ABCD2: variants seen among roughly 807,000 people sequenced by gnomAD.
The protein encoded by ABCD2 is ATP binding cassette subfamily D member 2, also known as ATP-binding cassette sub-family D member 2.
In ABCD2, 36 loss-of-function variants were observed where a neutral mutation model predicts 70.9. The ratio of observed to expected loss-of-function variants is 0.51; its 90% CI spans 0.39 to 0.67. The LOEUF is 0.67. Ranked by LOEUF, ABCD2 falls within the 30% of genes least tolerant of loss-of-function variation. The pLI, the probability that ABCD2 is intolerant of heterozygous loss-of-function variation, is 0.00. For synonymous variants in ABCD2, 304 were observed against 306.9 expected (o/e 0.99, Z 0.10); for missense variants, 729 against 890.2 (o/e 0.82, Z 2.30).
chr12:39,540,500 A>G, the ABCD2 span, among the ~76,000 whole-genome samples: 1 of 152,258 alleles, frequency 6.6e-6, no homozygotes, highest in Admixed American at 6.5e-5. Context: ...CCTTTGTGGG[A>G]AAAAAATTTG....
In ABCD2 at chr12:39,554,017, C is replaced by T. The variant is rs1165168733; in HGVS notation, c.2118G>A (p.Gln706=). The change falls in exon 10 of 10, where the codon CAG becomes CAA. Residue 706 remains glutamine, a synonymous_variant. Coordinates refer to ENST00000308666, the MANE Select transcript of ABCD2 (RefSeq NM_005164.4). ...LSEEKQKLES[Q]LAGIPKMQQR... is the part of the protein sequence containing the mutation. ...GCTGCATTTTGGGAATTCCAGCTAG[C>T]TGAGATTCTAGCTTTTGTTTTTCTT... 1.2e-6 allele frequency: 2 copies of T among 1,613,416 alleles called. No individual in the cohort carries two copies. Among genetic ancestry groups the T allele is most frequent in the Non-Finnish European group, 1.7e-6 (2 of 1,179,818 alleles).
chr12:39,563,277 G>A (rs1439362764), intron 9 of ABCD2, among the ~76,000 whole-genome samples: 1 of 152,080 alleles, frequency 6.6e-6, no homozygotes, highest in Non-Finnish European at 1.5e-5. Flanking sequence ...GTAAATCTTA[G>A]TACTTCGGGA....
At chr12:39,606,121 A>G (rs1416786468) in intron 3 of ABCD2, among the ~76,000 whole-genome samples, 3 of 152,208 alleles carry the variant, frequency 2.0e-5, no homozygotes, top group African/African-American at 7.2e-5. Context: ...GTAGAAAAGA[A>G]TTCCAAAACC....
chr12:39,602,628 C>G (rs762329886), intron 5 of ABCD2, among the ~76,000 whole-genome samples: 13 of 152,078 alleles, frequency 8.5e-5, no homozygotes, highest in Non-Finnish European at 2.9e-5. Flanking sequence ...AGAAAGTATA[C>G]TTTACTAATG....
At chr12:39,616,240 C>G (rs951872198) in intron 2 of ABCD2, among the ~76,000 whole-genome samples, 1 of 152,114 alleles carries the variant, frequency 6.6e-6, no homozygotes, top group Non-Finnish European at 1.5e-5. Flanking sequence ...CTTCTCTGTT[C>G]CAACCAATTA....
chr12:39,601,437 C>T (rs1275228494), intron 5 of ABCD2, among the ~76,000 whole-genome samples: 2 of 151,528 alleles, frequency 1.3e-5, no homozygotes, highest in African/African-American at 2.4e-5. Flanking sequence ...TATTTCTTAT[C>T]TATTGGATGC....
chr12:39,553,793 A>C lies in ABCD2; in HGVS notation c.*119T>G. On this transcript the variant is annotated 3_prime_UTR_variant, in exon 10 of 10. Transcript: ENST00000308666. ...TATACTTCCTTAATGCTAAAATCTT[A>C]TAAAACATGTCTTGCTGCCTTTTTT... 1 of 737,164 alleles carries C rather than the reference A, an allele frequency of 1.4e-6. No homozygotes were observed. 45.7% of individuals were successfully genotyped at this position (737,164 alleles called of 1,614,324 possible). A position where few individuals can be genotyped will look rare whatever the true frequency, so the allele number is the denominator to read the frequency against.
the ABCD2 span, among the ~76,000 whole-genome samples, chr12:39,540,217 C>T: frequency 6.6e-6 from 1 of 152,184 alleles, no homozygotes; most frequent in African/African-American, 2.4e-5. Flanking sequence ...AGCCCTTGCA[C>T]ATAGTGAAGA....
downstream of ABCD2, among the ~76,000 whole-genome samples, chr12:39,549,594 TA>T (rs571406146): frequency 7.3e-4 from 111 of 151,536 alleles, no homozygotes; most frequent in Non-Finnish European, 1.2e-3. Context: ...TAATTTAAAA[TA>T]AAAAAAATAC....
chr12:39,576,999 A>G (rs1230900877), intron 8 of ABCD2, among the ~76,000 whole-genome samples: 1 of 152,084 alleles, frequency 6.6e-6, no homozygotes, highest in African/African-American at 2.4e-5. Context: ...AAATTATAAT[A>G]TGCTTTATGA....
At chr12:39,560,140 C>T (rs1941233408) in intron 9 of ABCD2, among the ~76,000 whole-genome samples, 1 of 152,162 alleles carries the variant, frequency 6.6e-6, no homozygotes, top group Admixed American at 6.5e-5. Context: ...AGGTATATCT[C>T]CTAATGCTAT....
Position 39,618,887 on chromosome 12 carries a change from A to G in ABCD2, c.729T>C (p.Ile243=), listed in dbSNP as rs112207196. The change falls in exon 1 of 10, where the codon ATT becomes ATC. Residue 243 remains isoleucine (I), a synonymous_variant. Coordinates refer to ENST00000308666, the MANE Select transcript of ABCD2 (RefSeq NM_005164.4). ...TTGCTCCTCTGGATGTAGCAGTTTG[A>G]ATGAGTGTATAGGAGGTCAGCATTA... is the stretch of plus-strand genomic sequence containing the variant. The part of the protein sequence containing the change: ...LDVMLTSYTL[I]QTATSRGASP... 3.7e-6 allele frequency: 6 copies of G among 1,614,190 alleles called. No homozygotes were observed. Among genetic ancestry groups the G allele is most frequent in the Non-Finnish European group, 5.1e-6 (6 of 1,180,034 alleles).
At chr12:39,567,003 T>C (rs1324260734) in intron 9 of ABCD2, among the ~76,000 whole-genome samples, 1 of 152,210 alleles carries the variant, frequency 6.6e-6, no homozygotes, top group Non-Finnish European at 1.5e-5. Flanking sequence ...AGACAGTTTG[T>C]TATAATTTCT....
chr12:39,569,354 G>A (rs549183252), intron 9 of ABCD2, among the ~76,000 whole-genome samples: 14 of 152,320 alleles, frequency 9.2e-5, no homozygotes, highest in South Asian at 4.1e-4. Flanking sequence ...CCTTGCTGCC[G>A]TCTTGCAGTT....
At chr12:39,538,508 T>C in the ABCD2 span, among the ~76,000 whole-genome samples, 4 of 152,184 alleles carry the variant, frequency 2.6e-5, no homozygotes, top group Non-Finnish European at 5.9e-5. Context: ...ATTCTTTCCT[T>C]GCTTTGTTTG....
At chr12:39,561,314 A>G (rs1037961564) in intron 9 of ABCD2, among the ~76,000 whole-genome samples, 1 of 150,562 alleles carries the variant, frequency 6.6e-6, no homozygotes, top group Non-Finnish European at 1.5e-5. Context: ...AATCACTTGA[A>G]CCTGGAAGCA....
the ABCD2 span, among the ~76,000 whole-genome samples, chr12:39,536,512 T>G: frequency 6.6e-6 from 1 of 152,218 alleles, no homozygotes; most frequent in Non-Finnish European, 1.5e-5. Flanking sequence ...AGCTAACACT[T>G]TTATATACAT....
rs922190120 is a variant in ABCD2 at position 39,550,693 on chromosome 12, G to C, written c.*3219C>G. The C allele has an allele frequency of 6.6e-6, 1 of 151,702 alleles. No homozygotes were observed. The highest frequency in any genetic ancestry group is 1.5e-5 in the Non-Finnish European group (1 of 67,696). The allele number at this position is 151,702 out of a possible 1,614,324, so 9.4% of individuals were successfully genotyped here. A position where few individuals can be genotyped will look rare whatever the true frequency, so the allele number is the denominator to read the frequency against. ...TATAATCAGAACTGTAAATAGCCTA[G>C]GCTATGTGAAAGTACTTTTCACTTC... On this transcript the variant is annotated 3_prime_UTR_variant, in exon 10 of 10. Transcript: ENST00000308666.
rs866235125 is a variant in ABCD2, at chr12:39,613,193, C to T, written c.1120+3795G>A. ...CGAGGTCAGGAGATCGAGACCATCCCGGCTAAAACGGTGAAACCCCGTCTC... is the reference window on the plus strand; with the variant it reads ...CGAGGTCAGGAGATCGAGACCATCCTGGCTAAAACGGTGAAACCCCGTCTC... On this transcript the variant is annotated intron_variant, in intron 2 of 9. Transcript: ENST00000308666. Among the ~76,000 whole-genome samples the T allele has an allele frequency of 1.9e-4, 17 of 90,558 alleles. 2 individuals carry two copies. Among genetic ancestry groups the T allele is most frequent in the African/African-American group, 7.9e-4 (10 of 12,726 alleles). The allele number at this position is 90,558 out of a possible 152,430, so 59.4% of individuals were successfully genotyped here. A position where few individuals can be genotyped will look rare whatever the true frequency, so the allele number is the denominator to read the frequency against.
Sources: allele counts gnomAD v4.1 joint callset (sites outside exome capture counted in the v4.1 genomes callset), GRCh38; gene constraint gnomAD v4.1.1; transcripts MANE v1.5; gene names NCBI Gene and HGNC (gene_info 2026-07-23, HGNC 2026-07-21).